FAM83B: variants seen among roughly 807,000 people sequenced by gnomAD.
The protein encoded by FAM83B is scaffolding CK1 anchoring protein B, also known as protein FAM83B.
FAM83B carries 26 observed loss-of-function variants against 38.8 expected under a neutral mutation model. That is an observed-to-expected ratio of 0.67 (90% confidence interval 0.49 to 0.93). The LOEUF is 0.93. Ranked by LOEUF, FAM83B falls within the 40% of genes least tolerant of loss-of-function variation. The pLI is 0.00. For missense variants in FAM83B, 1,237 were observed against 1,197.3 expected (o/e 1.03, Z -0.49); for synonymous variants, 419 against 423.1 (o/e 0.99, Z 0.12).
In FAM83B at chr6:54,942,079, G is replaced by GC; in HGVS notation, c.*74dup. Reference sequence around the variant, plus strand: ...AAATTGTGGACAGTCTTTGTAACATGCCAATAGATTTTCCTAAGGACAGAA... The same window carrying GC: ...AAATTGTGGACAGTCTTTGTAACATGCCCAATAGATTTTCCTAAGGACAGAA... On this transcript the variant is annotated 3_prime_UTR_variant, in exon 5 of 5. Transcript: ENST00000306858. 3 of 1,429,284 alleles carry GC rather than the reference G, an allele frequency of 2.1e-6. No homozygotes were observed. In the African/African-American group the frequency reaches 4.3e-5, roughly 21 times the overall value. The allele number at this position is 1,429,284 out of a possible 1,614,324, so 88.5% of individuals were successfully genotyped here. A position where few individuals can be genotyped will look rare whatever the true frequency, so the allele number is the denominator to read the frequency against.
At chr6:54,934,275 CT>C (rs1388243132) in intron 4 of FAM83B, among the ~76,000 whole-genome samples, 1 of 152,068 alleles carries the variant, frequency 6.6e-6, no homozygotes, top group African/African-American at 2.4e-5. Context: ...TATAAGCTGT[CT>C]TTGAAACTTT....
intron 2 of FAM83B, among the ~76,000 whole-genome samples, chr6:54,905,877 C>A (rs2127583153): frequency 6.6e-6 from 1 of 151,620 alleles, no homozygotes; most frequent in African/African-American, 2.4e-5. Flanking sequence ...CCCCATTTGC[C>A]CCCTATAAAC....
intron 2 of FAM83B, among the ~76,000 whole-genome samples, chr6:54,903,716 ATTCT>A (rs1330926063): frequency 2.6e-5 from 4 of 151,854 alleles, no homozygotes; most frequent in Admixed American, 2.0e-4. Flanking sequence ...TTTTTAACTC[ATTCT>A]TTATTTTTTT....
Position 54,941,310 on chromosome 6 carries a change from G to A in FAM83B, c.2339G>A (p.Ser780Asn). 6.2e-7 allele frequency: 1 copy of A among 1,612,442 alleles called. No homozygotes were observed. Among genetic ancestry groups the A allele is most frequent in the South Asian group, 1.1e-5 (1 of 90,586 alleles). ...TCTCAGAAGTTAAGGTCATTACTTA[G>A]CCTTACCCCAGATAAGAAAGAAAAT... Reference protein sequence around the residue: ...KGSQKLRSLLSLTPDKKENLS... With the variant: ...KGSQKLRSLLNLTPDKKENLS... Residue 780 changes from serine to asparagine, a missense_variant, in exon 5 of 5, where the codon AGC (serine) becomes AAC (asparagine). Transcript: ENST00000306858.
At chr6:54,916,256 T>A (rs1773034637) in intron 2 of FAM83B, among the ~76,000 whole-genome samples, 1 of 152,156 alleles carries the variant, frequency 6.6e-6, no homozygotes, top group Non-Finnish European at 1.5e-5. Flanking sequence ...TGCCCTTCAC[T>A]TCTTTTTTCA....
intron 2 of FAM83B, among the ~76,000 whole-genome samples, chr6:54,914,256 G>A (rs1411182225): frequency 6.6e-6 from 1 of 152,076 alleles, no homozygotes; most frequent in Non-Finnish European, 1.5e-5. Flanking sequence ...CATGAATTAT[G>A]TGTTGTATAA....
intron 1 of FAM83B, among the ~76,000 whole-genome samples, chr6:54,858,816 T>G (rs1365142188): frequency 3.3e-5 from 5 of 152,156 alleles, no homozygotes; most frequent in African/African-American, 9.7e-5. Context: ...GATACCACCT[T>G]TCTTCTTCTG....
At chr6:54,939,574 G>A (rs115163660) in intron 4 of FAM83B, 132 bp from the exon 5 acceptor site, 68 of 845,386 alleles carry the variant, frequency 8.0e-5, no homozygotes, top group Non-Finnish European at 1.1e-4. Context: ...ATGTAATGAC[G>A]GAAAATATTC....
At chr6:54,921,546 T>C (rs1382410421) in intron 2 of FAM83B, among the ~76,000 whole-genome samples, 1 of 151,990 alleles carries the variant, frequency 6.6e-6, no homozygotes, top group Admixed American at 6.6e-5. Flanking sequence ...GATGAATGCA[T>C]TTATTTATTT....
At chr6:54,870,145 G>A (rs1289233835) in intron 1 of FAM83B, 42 bp from the exon 2 acceptor site, 9 of 897,514 alleles carry the variant, frequency 1.0e-5, no homozygotes, top group East Asian at 2.5e-5. Flanking sequence ...TTCTGTTACC[G>A]AATTTTAACT....
chr6:54,908,907 G>A (rs1257072810), intron 2 of FAM83B, among the ~76,000 whole-genome samples: 1 of 152,128 alleles, frequency 6.6e-6, no homozygotes, highest in Non-Finnish European at 1.5e-5. Flanking sequence ...TAATAGTAGA[G>A]TACTGATCTA....
chr6:54,876,278 CATATATATATATATATATATAT>C (rs3996949), intron 2 of FAM83B, among the ~76,000 whole-genome samples: 2,338 of 96,164 alleles, frequency 0.024, 56 homozygotes, highest in Middle Eastern at 0.052. Context: ...TTTAGGAGTG[CATATATATATATATATATATAT>C]ATATATATAT....
chr6:54,914,838 G>T (rs35253545), intron 2 of FAM83B, among the ~76,000 whole-genome samples: 1,758 of 152,156 alleles, frequency 0.012, 15 homozygotes, highest in Middle Eastern at 0.024. Context: ...GTCATGAAGG[G>T]TATGTTAACA....
intron 1 of FAM83B, among the ~76,000 whole-genome samples, chr6:54,849,962 C>G (rs76221877): frequency 0.14 from 21,447 of 151,742 alleles, 1,652 homozygotes; most frequent in African/African-American, 0.2. Context: ...TCTAATGGCT[C>G]TAACTTTGTG....
At chr6:54,859,163 C>T (rs889449174) in intron 1 of FAM83B, among the ~76,000 whole-genome samples, 1 of 151,880 alleles carries the variant, frequency 6.6e-6, no homozygotes, top group Non-Finnish European at 1.5e-5. Flanking sequence ...CGGGTTCAAG[C>T]GATTCTCCCT....
rs201661474 is a variant in FAM83B at position 54,864,156 on chromosome 6, AT to A, written c.-60-6024del. On this transcript the variant is annotated intron_variant, in intron 1 of 4. Transcript: ENST00000306858. ...TTAATGTCATTAACATGTATTGGGT[AT>A]TTTTTTCCCCCAATATCTAAAATTC... Among the ~76,000 whole-genome samples the A allele has an allele frequency of 2.0e-3, 307 of 152,120 alleles. 1 individual carries two copies. The highest frequency in any genetic ancestry group is 4.0e-3 in the African/African-American group (165 of 41,508).
Position 54,870,509 on chromosome 6 carries a change from C to T in FAM83B, c.263C>T (p.Ser88Phe), listed in dbSNP as rs776327181. Reference sequence around the variant, plus strand: ...GATGATTCCTGTGATGATACCTTATCTTCAGGGACCTACTGGCCTGTTGAG... The same window carrying T: ...GATGATTCCTGTGATGATACCTTATTTTCAGGGACCTACTGGCCTGTTGAG... Reference protein sequence around the residue: ...GTDDSCDDTLSSGTYWPVESD... With the variant: ...GTDDSCDDTLFSGTYWPVESD... The change falls in exon 2 of 5, where the codon TCT (serine) becomes TTT (phenylalanine). Residue 88 changes from serine to phenylalanine, a missense_variant. Coordinates refer to ENST00000306858, the MANE Select transcript of FAM83B (RefSeq NM_001010872.3). 6.2e-7 allele frequency: 1 copy of T among 1,614,012 alleles called. No homozygotes were observed. Among genetic ancestry groups the T allele is most frequent in the Admixed American group, 1.7e-5 (1 of 59,988 alleles).
chr6:54,940,501 C>G lies in FAM83B; in HGVS notation c.1530C>G (p.Asp510Glu). The G allele has an allele frequency of 6.2e-7, 1 of 1,614,090 alleles. No individual in the cohort carries two copies. The highest frequency in any genetic ancestry group is 8.5e-7 in the Non-Finnish European group (1 of 1,180,012). ...ATGATCATTCAGAAGCTACACCGGA[C>G]TCAAATGGATCAGCTTTAGGTGACC... Reference protein sequence around the residue: ...YLNDHSEATPDSNGSALGDRF... With the variant: ...YLNDHSEATPESNGSALGDRF... The change falls in exon 5 of 5, where the codon GAC (aspartate) becomes GAG (glutamate). Residue 510 changes from aspartate (D) to glutamate (E), a missense_variant. Coordinates refer to ENST00000306858, the MANE Select transcript of FAM83B (RefSeq NM_001010872.3).
intron 1 of FAM83B, among the ~76,000 whole-genome samples, chr6:54,849,665 C>T (rs1192034721): frequency 2.0e-5 from 3 of 151,876 alleles, no homozygotes; most frequent in Non-Finnish European, 2.9e-5. Flanking sequence ...TGATCATGAA[C>T]GGTAGGAAAC....
Sources: allele counts gnomAD v4.1 joint callset (sites outside exome capture counted in the v4.1 genomes callset), GRCh38; gene constraint gnomAD v4.1.1; transcripts MANE v1.5; gene names NCBI Gene and HGNC (gene_info 2026-07-23, HGNC 2026-07-21).